Variants in OAS3 observed in about 807,000 individuals in gnomAD.
OAS3 encodes the protein 2'-5'-oligoadenylate synthetase 3, also known as 2'-5'-oligoadenylate synthase 3.
Under a neutral mutation model 113.0 loss-of-function variants are expected in OAS3, and 107 were observed. That is an observed-to-expected ratio of 0.95 (90% CI 0.81 to 1.11). The LOEUF (loss-of-function observed/expected upper bound fraction) is 1.11. OAS3 is among the 50% of genes most tolerant of loss of function. OAS3 has a pLI of 0.00. For synonymous variants in OAS3, 552 were observed against 573.6 expected (o/e 0.96, Z 0.54); for missense variants, 1,258 against 1,389.1 (o/e 0.91, Z 1.50).
At chr12:112,952,232 T>A (rs1345933489) in intron 7 of OAS3, among the ~76,000 whole-genome samples, 1 of 152,260 alleles carries the variant, frequency 6.6e-6, no homozygotes, top group Admixed American at 6.5e-5. Context: ...GTGCATAATA[T>A]TATATTTTAT....
Position 112,948,026 on chromosome 12 carries a change from A to G in OAS3, c.956A>G (p.Glu319Gly). ...AAWHWDLLAQ[E>G]AASCYDHPCF... is the part of the protein sequence containing the mutation. ...TGGCACTGGGATTTGCTAGCCCAGG[A>G]GGCAGCATCCTGCTATGACCACCCA... Residue 319 changes from glutamate to glycine, a missense_variant, in exon 5 of 16, where the codon GAG becomes GGG. Glu to Gly is a moderately conservative substitution (Grantham distance 98). Transcript: ENST00000228928. 2 of 1,601,318 alleles carry G rather than the reference A, an allele frequency of 1.2e-6. No homozygotes were observed. Among genetic ancestry groups the G allele is most frequent in the Non-Finnish European group, 1.7e-6 (2 of 1,173,680 alleles).
In OAS3 at chr12:112,944,643, TAC is replaced by T; in HGVS notation, c.629_630del (p.Tyr210SerfsTer32). 1 of 1,614,052 alleles carries T rather than the reference TAC, an allele frequency of 6.2e-7. No individual in the cohort carries two copies. The highest frequency in any genetic ancestry group is 8.5e-7 in the Non-Finnish European group (1 of 1,179,894). ...CCTAATCTTGCTGGTGAAGCACTGGTACCACCAGGTGAAGCCACTTGGAAGGG... is the reference window on the plus strand; with the variant it reads ...CCTAATCTTGCTGGTGAAGCACTGGTCACCAGGTGAAGCCACTTGGAAGGG... ...KNLILLVKHW[Y>X]HQVCLQGLWK... On this transcript the variant is annotated frameshift_variant, in exon 3 of 16. Transcript: ENST00000228928. LOFTEE classifies it high-confidence loss of function.
At chr12:112,967,007 A>T (rs547353041) in intron 12 of OAS3, among the ~76,000 whole-genome samples, 1 of 152,224 alleles carries the variant, frequency 6.6e-6, no homozygotes, top group Non-Finnish European at 1.5e-5. Flanking sequence ...ATATTAAGGA[A>T]TGCCTTTAAG....
chr12:112,961,145 G>C lies in OAS3; in HGVS notation c.1732G>C (p.Glu578Gln). ...RLLTSGCQEG[E>Q]HKACFAELRR... ...CCTCACCAGTGGCTGCCAGGAGGGC[G>C]AGCATAAGGCCTGCTTCGCAGAGCT... The change falls in exon 8 of 16, where the codon GAG becomes CAG. Residue 578 changes from glutamate (E) to glutamine (Q), a missense_variant. Transcript: ENST00000228928. 1 of 1,613,954 alleles carries C rather than the reference G, an allele frequency of 6.2e-7. No individual in the cohort carries two copies. Among genetic ancestry groups the C allele is most frequent in the Non-Finnish European group, 8.5e-7 (1 of 1,179,882 alleles).
At chr12:112,959,956 A>C (rs1238703715) in intron 7 of OAS3, among the ~76,000 whole-genome samples, 1 of 152,002 alleles carries the variant, frequency 6.6e-6, no homozygotes, top group East Asian at 1.9e-4. Flanking sequence ...TTAGTGTCTC[A>C]GATTGTCCTA....
chr12:112,947,914 A>T (rs1204507449), intron 4 of OAS3, 32 bp from the exon 5 acceptor site: 1 of 1,548,294 alleles, frequency 6.5e-7, no homozygotes, highest in African/African-American at 1.4e-5. Flanking sequence ...CCTCTTGCTA[A>T]CCAGAACCTT....
Position 112,938,704 on chromosome 12 carries a change from C to A in OAS3, c.174C>A (p.Val58=). Residue 58 remains valine, a synonymous_variant, in exon 1 of 16, where the codon GTC becomes GTA. Coordinates refer to ENST00000228928, the MANE Select transcript of OAS3 (RefSeq NM_006187.4). ...GAAAPRVLKT[V]KGGSSGRGTA... is the part of the protein sequence containing the mutation. ...CTGCCCCGCGGGTGCTGAAAACTGT[C>A]AAGGTGAGGTCCCACCTCGGGGTCT... The A allele has an allele frequency of 6.4e-7, 1 of 1,553,472 alleles. No homozygotes were observed. Among genetic ancestry groups the A allele is most frequent in the Non-Finnish European group, 8.7e-7 (1 of 1,151,768 alleles).
At chr12:112,967,390 G>A in intron 12 of OAS3, 28 bp from the exon 13 acceptor site, 2 of 1,596,252 alleles carry the variant, frequency 1.3e-6, no homozygotes, top group Non-Finnish European at 1.7e-6. Flanking sequence ...GGGAGCCGGA[G>A]TGATGGTAAC....
At chr12:112,958,149 G>A (rs1003151628) in intron 7 of OAS3, among the ~76,000 whole-genome samples, 5 of 152,196 alleles carry the variant, frequency 3.3e-5, no homozygotes, top group Non-Finnish European at 5.9e-5. Flanking sequence ...GCTTGTGCAT[G>A]CATCACGTAG....
chr12:112,968,005 G>A lies in OAS3; in HGVS notation c.2935G>A (p.Ala979Thr), dbSNP rs1011777997. 1.1e-5 allele frequency: 18 copies of A among 1,614,032 alleles called. No homozygotes were observed. The East Asian group carries it at 4.0e-4, about 36-fold the overall frequency. ...CGGGCTGGAACTCCTGACTGTGTAT[G>A]CCTGGGAGCAGGGCGGGAAGGACTC... ...QHGLELLTVYAWEQGGKDSQF... is the reference protein window; with the variant it reads ...QHGLELLTVYTWEQGGKDSQF... Residue 979 changes from alanine (A) to threonine (T), a missense_variant, in exon 14 of 16, where the codon GCC becomes ACC. By Grantham distance (58) the Ala-to-Thr change is moderately conservative. Transcript: ENST00000228928.
Position 112,941,558 on chromosome 12 carries a change from T to C in OAS3, c.178-12T>C, listed in dbSNP as rs371986522. On this transcript the variant is annotated splice_polypyrimidine_tract_variant and intron_variant, in intron 1 of 15. Transcript: ENST00000228928. ...GACAGTATGAAATTCTGAGTTATTT[T>C]TCTTTGCCCAGGGAGGCTCCTCGGG... 1.9e-6 allele frequency: 3 copies of C among 1,606,724 alleles called. No homozygotes were observed. The African/African-American group carries it at 4.0e-5, about 22-fold the overall frequency.
intron 11 of OAS3, 137 bp downstream of exon 11, chr12:112,964,545 G>T: frequency 1.1e-6 from 1 of 880,764 alleles, no homozygotes; most frequent in East Asian, 2.7e-5. Flanking sequence ...CTGGAAAGTG[G>T]TCATGGGAGG....
At chr12:112,943,109 AT>A (rs2043694662) in intron 2 of OAS3, among the ~76,000 whole-genome samples, 1 of 151,646 alleles carries the variant, frequency 6.6e-6, no homozygotes, top group African/African-American at 2.4e-5. Context: ...TAATTTTTGT[AT>A]TTTTTATAGA....
chr12:112,964,109 G>A (rs1249939197), intron 10 of OAS3, 126 bp from the exon 11 acceptor site: 2 of 1,002,544 alleles, frequency 2.0e-6, no homozygotes, highest in Non-Finnish European at 2.9e-6. Context: ...CTACCCACCA[G>A]CTGAGAAGGA....
At chr12:112,941,878 G>T (rs1376167358) in intron 2 of OAS3, 26 bp downstream of exon 2, 1 of 1,613,902 alleles carries the variant, frequency 6.2e-7, no homozygotes, top group Non-Finnish European at 8.5e-7. Context: ...ACCATTCCAG[G>T]GTTGGGGGCA....
intron 3 of OAS3, among the ~76,000 whole-genome samples, chr12:112,946,232 G>A (rs1305436297): frequency 6.6e-6 from 1 of 152,094 alleles, no homozygotes; most frequent in Non-Finnish European, 1.5e-5. Context: ...CCTTGGCATG[G>A]AGTAATCCCT....
Position 112,964,387 on chromosome 12 carries a change from C to T in OAS3, c.2382C>T (p.Ile794=). 1 of 1,611,974 alleles carries T rather than the reference C, an allele frequency of 6.2e-7. No individual in the cohort carries two copies. The highest frequency in any genetic ancestry group is 8.5e-7 in the Non-Finnish European group (1 of 1,179,154). The change falls in exon 11 of 16, where the codon ATC becomes ATT. Residue 794 remains isoleucine (I), a synonymous_variant. Transcript: ENST00000228928. ...AAAACTGCTTCCGGAATTCTCCCAT[C>T]AAAGTGATCAAGGTGGTCAAGGTGA... is the stretch of plus-strand genomic sequence containing the variant. ...LKENCFRNSP[I]KVIKVVKGGS... is the part of the protein sequence containing the mutation.
intron 6 of OAS3, among the ~76,000 whole-genome samples, chr12:112,949,950 C>T (rs1007773795): frequency 1.3e-5 from 2 of 152,196 alleles, no homozygotes; most frequent in South Asian, 2.1e-4. Context: ...ACCCGGGAGG[C>T]GGAGGTTGCA....
In OAS3 at chr12:112,967,941, CA is replaced by C. The variant is rs752312246; in HGVS notation, c.2873del (p.Lys958ArgfsTer18). On this transcript the variant is annotated frameshift_variant, in exon 14 of 16. Coordinates refer to ENST00000228928, the MANE Select transcript of OAS3 (RefSeq NM_006187.4). LOFTEE classifies it high-confidence loss of function. The stretch of plus-strand genomic sequence containing the variant: ...TCTTTCTTCTCGTTCTCCAGTGTAC[CA>C]AGATCTCCAAGGGGAGAGGCTCCCT... ...LVKHWYQQCT[K>X]ISKGRGSLPP... 6.2e-7 allele frequency: 1 copy of C among 1,613,344 alleles called. No individual in the cohort carries two copies. Among genetic ancestry groups the C allele is most frequent in the Admixed American group, 1.7e-5 (1 of 59,970 alleles).
Sources: gnomAD v4.1 joint callset for allele counts (sites outside exome capture counted in the v4.1 genomes callset) on GRCh38, gnomAD v4.1.1 for gene constraint, MANE v1.5 for transcripts, NCBI Gene and HGNC (gene_info 2026-07-23, HGNC 2026-07-21) for gene names.